Variants in FAM78B observed in about 807,000 individuals in gnomAD.
FAM78B encodes the protein family with sequence similarity 78 member B, also known as protein FAM78B.
In FAM78B, 10 loss-of-function variants were observed where a neutral mutation model predicts 20.0. The ratio of observed to expected loss-of-function variants is 0.50; its 90% CI spans 0.31 to 0.85. The LOEUF (loss-of-function observed/expected upper bound fraction) is 0.85, where lower values mean the gene tolerates loss of function less well. FAM78B is among the 40% of genes least tolerant of loss of function. FAM78B has a pLI of 0.05. For synonymous variants in FAM78B, 135 were observed against 132.8 expected (o/e 1.02, Z -0.12); for missense variants, 283 against 345.0 (o/e 0.82, Z 1.42).
At chr1:166,131,488 G>A (rs1378486591) in intron 1 of FAM78B, among the ~76,000 whole-genome samples, 1 of 152,166 alleles carries the variant, frequency 6.6e-6, no homozygotes, top group East Asian at 1.9e-4. Flanking sequence ...ACAGTAGTGG[G>A]CAGCTGAACC....
chr1:166,110,892 C>A (rs1303315318), intron 1 of FAM78B, among the ~76,000 whole-genome samples: 1 of 152,136 alleles, frequency 6.6e-6, no homozygotes, highest in African/African-American at 2.4e-5. Context: ...TATATTGGCA[C>A]TATATAATCA....
At chr1:166,145,294 T>G (rs1398105347) in intron 1 of FAM78B, among the ~76,000 whole-genome samples, 2 of 152,220 alleles carry the variant, frequency 1.3e-5, no homozygotes, top group Non-Finnish European at 2.9e-5. Flanking sequence ...AAGTCAAAGG[T>G]GCCTCCTAAA....
At chr1:166,060,483 G>T in exon 3 of FAM78B, 1 of 667,130 alleles carries the variant, frequency 1.5e-6, no homozygotes. Flanking sequence ...AGGGTGGGTA[G>T]GAGGGACTGG....
chr1:166,117,281 G>C (rs1654297016), intron 1 of FAM78B, among the ~76,000 whole-genome samples: 1 of 152,142 alleles, frequency 6.6e-6, no homozygotes, highest in South Asian at 2.1e-4. Context: ...TTTGTATCTT[G>C]TGGGACATGT....
chr1:166,122,483 C>G (rs529307549), intron 1 of FAM78B, among the ~76,000 whole-genome samples: 1 of 152,312 alleles, frequency 6.6e-6, no homozygotes, highest in South Asian at 2.1e-4. Context: ...GTTTATAAAG[C>G]TTATTATCCA....
intron 1 of FAM78B, among the ~76,000 whole-genome samples, chr1:166,142,994 G>C (rs971815928): frequency 1.3e-5 from 2 of 152,184 alleles, no homozygotes; most frequent in African/African-American, 4.8e-5. Flanking sequence ...CAGTGGTTAT[G>C]AGTGTAGACT....
intron 1 of FAM78B, among the ~76,000 whole-genome samples, chr1:166,089,333 C>T (rs966043978): frequency 6.6e-6 from 1 of 152,170 alleles, no homozygotes; most frequent in African/African-American, 2.4e-5. Context: ...CTGCTACTGA[C>T]GAGGATCCAC....
chr1:166,090,569 CA>C (rs58775333), intron 1 of FAM78B, among the ~76,000 whole-genome samples: 5,916 of 152,250 alleles, frequency 0.039, 380 homozygotes, highest in African/African-American at 0.13. Flanking sequence ...AATGCAGTCC[CA>C]ATCAAAGTCA....
At chr1:166,138,544 T>C (rs898494025) in intron 1 of FAM78B, among the ~76,000 whole-genome samples, 9 of 152,282 alleles carry the variant, frequency 5.9e-5, no homozygotes, top group African/African-American at 1.7e-4. Context: ...GGTGTTAGAA[T>C]AAAGAGATCA....
intron 1 of FAM78B, among the ~76,000 whole-genome samples, chr1:166,150,730 T>C (rs969939094): frequency 6.6e-6 from 1 of 152,144 alleles, no homozygotes; most frequent in African/African-American, 2.4e-5. Flanking sequence ...TATAGAACAT[T>C]TGTACAATAC....
chr1:166,088,583 G>A (rs898689336), intron 1 of FAM78B, among the ~76,000 whole-genome samples: 1 of 152,172 alleles, frequency 6.6e-6, no homozygotes, highest in Admixed American at 6.5e-5. Flanking sequence ...GGTTACATGA[G>A]AAGTATGTGG....
intron 1 of FAM78B, among the ~76,000 whole-genome samples, chr1:166,083,664 C>G (rs1355914488): frequency 6.6e-6 from 1 of 152,036 alleles, no homozygotes; most frequent in African/African-American, 2.4e-5. Context: ...GCCACCACGC[C>G]CAGCTGATTT....
intron 1 of FAM78B, among the ~76,000 whole-genome samples, chr1:166,156,910 C>G (rs1423828419): frequency 6.6e-6 from 1 of 151,968 alleles, no homozygotes; most frequent in Admixed American, 6.5e-5. Context: ...AAGGATGTGG[C>G]TAGGCTGCAG....
At chr1:166,131,652 GA>G (rs1364735652) in intron 1 of FAM78B, among the ~76,000 whole-genome samples, 1 of 152,200 alleles carries the variant, frequency 6.6e-6, no homozygotes, top group East Asian at 1.9e-4. Context: ...TCAATATGAA[GA>G]AGACTGGGGA....
intron 1 of FAM78B, among the ~76,000 whole-genome samples, chr1:166,158,335 T>C (rs528112151): frequency 9.2e-5 from 14 of 152,196 alleles, no homozygotes; most frequent in Admixed American, 2.0e-4. Flanking sequence ...AATAGACGGA[T>C]AGATAAATAA....
At chr1:166,103,972 G>A (rs573510725) in intron 1 of FAM78B, among the ~76,000 whole-genome samples, 32 of 152,232 alleles carry the variant, frequency 2.1e-4, no homozygotes, top group African/African-American at 4.3e-4. Context: ...CTGGCAAACC[G>A]AATCCAGCAA....
At chr1:166,128,248 A>T (rs1654714780) in intron 1 of FAM78B, among the ~76,000 whole-genome samples, 1 of 151,972 alleles carries the variant, frequency 6.6e-6, no homozygotes, top group Non-Finnish European at 1.5e-5. Context: ...CATTAATTTT[A>T]TACATTTATT....
chr1:166,084,719 G>A (rs372528160), intron 1 of FAM78B, among the ~76,000 whole-genome samples: 33 of 152,278 alleles, frequency 2.2e-4, no homozygotes, highest in African/African-American at 7.7e-4. Context: ...AGTCTCCTGT[G>A]ACACCTGCAG....
At chr1:166,154,681 A>G in intron 1 of FAM78B, 1 of 524,074 alleles carries the variant, frequency 1.9e-6, no homozygotes, top group Non-Finnish European at 3.9e-6. Flanking sequence ...GGAGGTGACC[A>G]CTGACTGCTG....
Sources: gnomAD v4.1 joint callset for allele counts (sites outside exome capture counted in the v4.1 genomes callset) on GRCh38, gnomAD v4.1.1 for gene constraint, MANE v1.5 for transcripts, NCBI Gene and HGNC (gene_info 2026-07-23, HGNC 2026-07-21) for gene names.